TASP1: variants seen among roughly 807,000 people sequenced by gnomAD.
The protein encoded by TASP1 is threonine aspartase 1.
In TASP1, 16 loss-of-function variants were observed where a neutral mutation model predicts 56.6. That is an observed-to-expected ratio of 0.28 (90% CI 0.19 to 0.43). The LOEUF (loss-of-function observed/expected upper bound fraction) is 0.43. Ranked by LOEUF, TASP1 falls within the 20% of genes least tolerant of loss-of-function variation. The pLI, the probability that TASP1 is intolerant of heterozygous loss-of-function variation, is 1.00. For missense variants in TASP1, 393 were observed against 511.6 expected (o/e 0.77, Z 2.24); for synonymous variants, 179 against 184.2 (o/e 0.97, Z 0.23).
the TASP1 span, among the ~76,000 whole-genome samples, chr20:13,192,948 G>GT: frequency 6.6e-6 from 1 of 152,048 alleles, no homozygotes; most frequent in Non-Finnish European, 1.5e-5. Flanking sequence ...ATGTCACAAG[G>GT]TACAGGAGAG....
chr20:13,221,942 C>T, the TASP1 span: 2 of 1,313,434 alleles, frequency 1.5e-6, no homozygotes, highest in South Asian at 4.2e-5. Flanking sequence ...GAGGGCCGTG[C>T]GCGGCTGCGG....
intron 5 of TASP1, among the ~76,000 whole-genome samples, chr20:13,582,222 T>C (rs928500649): frequency 1.3e-5 from 2 of 151,934 alleles, no homozygotes; most frequent in Admixed American, 1.3e-4. Flanking sequence ...AAGACATTCA[T>C]CTTTTCCAAG....
At chr20:13,348,430 C>T in the TASP1 span, among the ~76,000 whole-genome samples, 20 of 152,238 alleles carry the variant, frequency 1.3e-4, no homozygotes, top group African/African-American at 3.4e-4. Context: ...TGGAACCCCC[C>T]GTGGAATGAA....
At chr20:13,110,931 T>A in the TASP1 span, among the ~76,000 whole-genome samples, 1 of 151,738 alleles carries the variant, frequency 6.6e-6, no homozygotes, top group African/African-American at 2.4e-5. Context: ...CAAGGAGGAG[T>A]GTGGCTACAA....
At chr20:13,511,790 G>C (rs116923534) in intron 10 of TASP1, among the ~76,000 whole-genome samples, 2 of 124,686 alleles carry the variant, frequency 1.6e-5, no homozygotes, top group South Asian at 5.3e-4. Flanking sequence ...AGTGTGTGAC[G>C]TTTCCCTTCC....
chr20:13,560,273 T>G (rs2046302494), intron 7 of TASP1, among the ~76,000 whole-genome samples: 2 of 152,166 alleles, frequency 1.3e-5, no homozygotes, highest in African/African-American at 4.8e-5. Context: ...GTAAAATATT[T>G]AAAATACCAC....
At chr20:13,590,499 G>A (rs1047572466) in intron 4 of TASP1, among the ~76,000 whole-genome samples, 5 of 152,064 alleles carry the variant, frequency 3.3e-5, no homozygotes, top group Admixed American at 6.6e-5. Flanking sequence ...TGTTAAACTC[G>A]ATCATATAAA....
At chr20:13,268,263 TTC>T in the TASP1 span, among the ~76,000 whole-genome samples, 16 of 150,960 alleles carry the variant, frequency 1.1e-4, no homozygotes, top group Middle Eastern at 3.4e-3. Context: ...TCCTCTTCTC[TTC>T]TCTCTCGCTC....
chr20:13,508,826 A>T (rs1373960914), intron 10 of TASP1, among the ~76,000 whole-genome samples: 1 of 152,134 alleles, frequency 6.6e-6, no homozygotes, highest in Non-Finnish European at 1.5e-5. Flanking sequence ...CTACCAAAAC[A>T]TCAAAAAATA....
At chr20:13,520,221 C>T (rs2044690018) in intron 10 of TASP1, among the ~76,000 whole-genome samples, 1 of 152,098 alleles carries the variant, frequency 6.6e-6, no homozygotes, top group African/African-American at 2.4e-5. Context: ...AGATTCAATG[C>T]CATCCCCATC....
the TASP1 span, among the ~76,000 whole-genome samples, chr20:13,275,088 T>C: frequency 6.6e-6 from 1 of 152,230 alleles, no homozygotes; most frequent in Non-Finnish European, 1.5e-5. Context: ...GCTTACTACA[T>C]TGGTTCATTA....
At chr20:13,514,070 T>C (rs532685968) in intron 10 of TASP1, among the ~76,000 whole-genome samples, 3 of 152,230 alleles carry the variant, frequency 2.0e-5, no homozygotes, top group Admixed American at 6.6e-5. Flanking sequence ...GTGAAACAAA[T>C]GTGCAGCAAA....
chr20:13,383,459 G>A, the TASP1 span, among the ~76,000 whole-genome samples: 1 of 152,206 alleles, frequency 6.6e-6, no homozygotes, highest in Non-Finnish European at 1.5e-5. Flanking sequence ...TCTAGCCTCT[G>A]CTACAAATGC....
intron 5 of TASP1, among the ~76,000 whole-genome samples, chr20:13,583,978 C>T (rs978084366): frequency 3.3e-5 from 5 of 152,110 alleles, no homozygotes; most frequent in African/African-American, 1.2e-4. Context: ...ACTCAGGAGG[C>T]TGAGGCAGGA....
At chr20:13,279,513 C>A in the TASP1 span, 1 of 979,486 alleles carries the variant, frequency 1.0e-6, no homozygotes, top group Non-Finnish European at 1.5e-6. Flanking sequence ...GCAATCTCAG[C>A]TTTCCTTCAC....
the TASP1 span, among the ~76,000 whole-genome samples, chr20:13,364,085 TA>T: frequency 4.0e-5 from 6 of 148,672 alleles, no homozygotes; most frequent in South Asian, 2.1e-4. Context: ...AAGAGGGATT[TA>T]AAAAAAAAAC....
chr20:13,542,369 C>T (rs2045656292), intron 8 of TASP1, among the ~76,000 whole-genome samples: 1 of 152,048 alleles, frequency 6.6e-6, no homozygotes, highest in Admixed American at 6.6e-5. Flanking sequence ...TTTTTAAAAG[C>T]CTCAAATTTA....
the TASP1 span, among the ~76,000 whole-genome samples, chr20:13,297,141 C>G: frequency 1.3e-5 from 2 of 152,190 alleles, no homozygotes; most frequent in Non-Finnish European, 2.9e-5. Context: ...GTGAACAAAG[C>G]AGACCTCTGT....
chr20:13,173,364 G>C, the TASP1 span, among the ~76,000 whole-genome samples: 1 of 152,118 alleles, frequency 6.6e-6, no homozygotes, highest in Non-Finnish European at 1.5e-5. Context: ...ACAGAACCCA[G>C]AGTCATGACC....
Sources: allele counts gnomAD v4.1 joint callset (sites outside exome capture counted in the v4.1 genomes callset), GRCh38; gene constraint gnomAD v4.1.1; transcripts MANE v1.5; gene names NCBI Gene and HGNC (gene_info 2026-07-23, HGNC 2026-07-21).